The following LRP2 variants were observed in gnomAD, a reference collection of about 807,000 sequenced individuals.
LRP2 encodes the protein low-density lipoprotein receptor-related protein 2.
Under a neutral mutation model 531.0 loss-of-function variants are expected in LRP2, and 172 were observed. That is an observed-to-expected ratio of 0.32 (90% CI 0.29 to 0.37). The LOEUF (loss-of-function observed/expected upper bound fraction) is 0.37. Among genes scored for constraint, LRP2 ranks in the 10% least tolerant of loss-of-function variants. The pLI is 1.00. For missense variants in LRP2, 5,167 were observed against 5,868.3 expected (o/e 0.88, Z 3.90); for synonymous variants, 1,992 against 2,027.6 (o/e 0.98, Z 0.47).
At chr2:169,182,849 C>T (rs62172601) in intron 50 of LRP2, among the ~76,000 whole-genome samples, 2,771 of 152,326 alleles carry the variant, frequency 0.018, 33 homozygotes, top group Non-Finnish European at 0.026. Flanking sequence ...CAACCTGAGA[C>T]ACATTTCACT....
chr2:169,188,318 C>T, intron 48 of LRP2, 53 bp from the exon 49 acceptor site: 2 of 1,557,398 alleles, frequency 1.3e-6, no homozygotes, highest in Non-Finnish European at 1.8e-6. Flanking sequence ...TAAACCTCAA[C>T]TATTACCCAC....
intron 1 of LRP2, among the ~76,000 whole-genome samples, chr2:169,357,289 TTTTTATTTTATTTTATTTTATTTTA>T (rs148875655): frequency 0.017 from 1,981 of 116,974 alleles, 41 homozygotes; most frequent in African/African-American, 0.055. Context: ...TTTTTATTTA[TTTTTATTTTATTTTATTTTATTTTA>T]TTTTATTTTA....
chr2:169,311,597 G>T (rs555316618), intron 3 of LRP2, among the ~76,000 whole-genome samples: 1 of 152,330 alleles, frequency 6.6e-6, no homozygotes, highest in South Asian at 2.1e-4. Context: ...TTTTACATTT[G>T]ATGGGGAGTG....
Position 169,132,566 on chromosome 2 carries a change from A to G in LRP2, c.13728+8T>C. ...TCCCACATTATTTCAGGAGTCGGCAACTGTTACCTGAGTTCCATCAGCAGC... is the reference window on the plus strand; with the variant it reads ...TCCCACATTATTTCAGGAGTCGGCAGCTGTTACCTGAGTTCCATCAGCAGC... On this transcript the variant is annotated splice_region_variant and intron_variant, in intron 77 of 78. Coordinates refer to ENST00000649046, the MANE Select transcript of LRP2 (RefSeq NM_004525.3). 1 of 1,551,592 alleles carries G rather than the reference A, an allele frequency of 6.4e-7. No homozygotes were observed. Among genetic ancestry groups the G allele is most frequent in the Non-Finnish European group, 8.9e-7 (1 of 1,123,018 alleles).
intron 76 of LRP2, among the ~76,000 whole-genome samples, chr2:169,134,262 A>C (rs1265192625): frequency 6.6e-6 from 1 of 152,096 alleles, no homozygotes; most frequent in Non-Finnish European, 1.5e-5. Context: ...CACTCTCTAC[A>C]GTTCTCATAA....
At chr2:169,320,943 A>C in intron 1 of LRP2, 59 bp from the exon 2 acceptor site, 1 of 1,228,236 alleles carries the variant, frequency 8.1e-7, no homozygotes. Context: ...AACCGAAGAA[A>C]TATAAATTTT....
intron 4 of LRP2, among the ~76,000 whole-genome samples, chr2:169,299,241 T>C (rs891823983): frequency 2.0e-5 from 3 of 152,036 alleles, no homozygotes; most frequent in East Asian, 1.9e-4. Flanking sequence ...CGAGGACTTG[T>C]AGAATTGAAC....
intron 53 of LRP2, 97 bp from the exon 54 acceptor site, chr2:169,176,685 C>A: frequency 9.6e-7 from 1 of 1,040,572 alleles, no homozygotes. Flanking sequence ...CTCATCACCT[C>A]TTAGTAAAAA....
intron 1 of LRP2, among the ~76,000 whole-genome samples, chr2:169,321,527 G>T (rs1275201050): frequency 6.7e-6 from 1 of 149,756 alleles, no homozygotes; most frequent in African/African-American, 2.4e-5. Flanking sequence ...TGATAACATC[G>T]TGAGTAACTT....
At chr2:169,319,476 G>A (rs1684855016) in intron 2 of LRP2, among the ~76,000 whole-genome samples, 1 of 152,128 alleles carries the variant, frequency 6.6e-6, no homozygotes, top group South Asian at 2.1e-4. Context: ...TATCGTCATT[G>A]ATATTGTTGT....
intron 44 of LRP2, 42 bp from the exon 45 acceptor site, chr2:169,198,953 C>T: frequency 6.3e-7 from 1 of 1,598,586 alleles, no homozygotes; most frequent in Non-Finnish European, 8.5e-7. Flanking sequence ...ATATATCCAC[C>T]AAATATGTAT....
intron 1 of LRP2, among the ~76,000 whole-genome samples, chr2:169,325,974 T>A (rs1352553719): frequency 2.6e-5 from 4 of 151,950 alleles, no homozygotes; most frequent in African/African-American, 9.7e-5. Flanking sequence ...TGTAGACACA[T>A]CATTTAAGTG....
intron 1 of LRP2, among the ~76,000 whole-genome samples, chr2:169,338,359 G>GAAAGAAAGAAA (rs1685467009): frequency 2.5e-4 from 19 of 76,636 alleles, no homozygotes; most frequent in Non-Finnish European, 3.5e-4. Flanking sequence ...AAAGAAAGAA[G>GAAAGAAAGAAA]GAAAGAAAGA....
chr2:169,159,525 C>G (rs187571427), intron 63 of LRP2, among the ~76,000 whole-genome samples: 77 of 152,230 alleles, frequency 5.1e-4, no homozygotes, highest in Non-Finnish European at 1.0e-3. Context: ...ATTATAGGAG[C>G]TCTTAACAAC....
chr2:169,357,034 C>T (rs1375501986), intron 1 of LRP2, among the ~76,000 whole-genome samples: 2 of 152,038 alleles, frequency 1.3e-5, no homozygotes, highest in Non-Finnish European at 2.9e-5. Context: ...TAAACATTCA[C>T]AGAATACACA....
intron 1 of LRP2, among the ~76,000 whole-genome samples, chr2:169,360,150 AG>A (rs1686110578): frequency 5.8e-5 from 2 of 34,594 alleles, no homozygotes; most frequent in African/African-American, 9.4e-5. Context: ...AAAAAAAAAG[AG>A]AGAGAGAGAG....
chr2:169,205,333 A>G (rs1688338698), intron 41 of LRP2, 146 bp downstream of exon 41: 2 of 860,050 alleles, frequency 2.3e-6, no homozygotes, highest in African/African-American at 3.4e-5. Context: ...TTCCAATATA[A>G]ACATAGTTCC....
At chr2:169,340,328 C>A (rs1685531214) in intron 1 of LRP2, among the ~76,000 whole-genome samples, 1 of 152,144 alleles carries the variant, frequency 6.6e-6, no homozygotes, top group Non-Finnish European at 1.5e-5. Context: ...TGTCACCCGA[C>A]CAGCTTTGGC....
At chr2:169,137,634 C>T (rs1383179983) in intron 75 of LRP2, 141 bp from the exon 76 acceptor site, 2 of 378,894 alleles carry the variant, frequency 5.3e-6, no homozygotes, top group African/African-American at 5.5e-5. Context: ...CATAAGTTAC[C>T]CAAAAGAGAA....
Sources: gnomAD v4.1 joint callset for allele counts (sites outside exome capture counted in the v4.1 genomes callset) on GRCh38, gnomAD v4.1.1 for gene constraint, MANE v1.5 for transcripts, NCBI Gene and HGNC (gene_info 2026-07-23, HGNC 2026-07-21) for gene names.